KCNQ5: variants seen among roughly 807,000 people sequenced by gnomAD.
The protein encoded by KCNQ5 is potassium voltage-gated channel subfamily Q member 5, also known as potassium voltage-gated channel subfamily KQT member 5.
KCNQ5 carries 30 observed loss-of-function variants against 98.2 expected under a neutral mutation model. The ratio of observed to expected loss-of-function variants is 0.31; its 90% CI spans 0.23 to 0.41. The LOEUF (loss-of-function observed/expected upper bound fraction) is 0.41. Among genes scored for constraint, KCNQ5 ranks in the 10% least tolerant of loss-of-function variants. The probability of loss-of-function intolerance (pLI) is 1.00; values close to 1 mark genes in which losing one functional copy is unlikely to be tolerated. For missense variants in KCNQ5, 835 were observed against 1,182.5 expected, an observed-to-expected ratio of 0.71 and a Z score of 4.31; for synonymous variants, 458 against 449.4, an observed-to-expected ratio of 1.02 and a Z score of -0.24.
chr6:73,041,270 C>T (rs966500404), intron 2 of KCNQ5, among the ~76,000 whole-genome samples: 5 of 152,132 alleles, frequency 3.3e-5, no homozygotes, highest in African/African-American at 1.2e-4. Context: ...CAGTCATTTT[C>T]CTGGAGCAGG....
chr6:72,693,924 G>C (rs773876116), intron 1 of KCNQ5, among the ~76,000 whole-genome samples: 1 of 152,146 alleles, frequency 6.6e-6, no homozygotes, highest in Non-Finnish European at 1.5e-5. Context: ...GTTTCTGAAG[G>C]TGTCAGAATC....
chr6:72,630,888 T>C (rs566990448), intron 1 of KCNQ5, among the ~76,000 whole-genome samples: 2 of 152,242 alleles, frequency 1.3e-5, no homozygotes, highest in African/African-American at 4.8e-5. Flanking sequence ...CCATTTTAGA[T>C]TGGTGATTCT....
chr6:73,162,294 T>C (rs1357622719), intron 10 of KCNQ5, among the ~76,000 whole-genome samples: 1 of 152,122 alleles, frequency 6.6e-6, no homozygotes, highest in Non-Finnish European at 1.5e-5. Context: ...TGCTAATCAA[T>C]AGGAAACAGG....
At chr6:72,736,502 CT>C (rs752921476) in intron 1 of KCNQ5, among the ~76,000 whole-genome samples, 114 of 120,966 alleles carry the variant, frequency 9.4e-4, no homozygotes, top group Non-Finnish European at 9.6e-4. Context: ...AAAAAGATTT[CT>C]TTTTTTTTTT....
intron 1 of KCNQ5, among the ~76,000 whole-genome samples, chr6:72,805,289 A>G (rs1277682381): frequency 1.3e-5 from 2 of 152,112 alleles, no homozygotes; most frequent in African/African-American, 4.8e-5. Context: ...TAGTAGTTTC[A>G]TAGTTTGGGG....
intron 1 of KCNQ5, among the ~76,000 whole-genome samples, chr6:72,894,675 T>C (rs1779176994): frequency 6.6e-6 from 1 of 152,192 alleles, no homozygotes; most frequent in African/African-American, 2.4e-5. Context: ...AACTGAAAAC[T>C]AGCATAAAAA....
chr6:72,929,628 AAGTACATAAAGTACAATGG>A (rs1295067730), intron 1 of KCNQ5, among the ~76,000 whole-genome samples: 2 of 152,176 alleles, frequency 1.3e-5, no homozygotes, highest in Admixed American at 1.3e-4. Flanking sequence ...AATGTACATA[AAGTACATAAAGTACAATGG>A]AGTACATAAA....
chr6:72,837,342 A>C (rs1776546991), intron 1 of KCNQ5, among the ~76,000 whole-genome samples: 1 of 152,178 alleles, frequency 6.6e-6, no homozygotes, highest in Non-Finnish European at 1.5e-5. Context: ...TTCCTACTTA[A>C]AATATGAAGA....
intron 10 of KCNQ5, among the ~76,000 whole-genome samples, chr6:73,164,183 TTA>T (rs1777711127): frequency 6.6e-6 from 1 of 152,218 alleles, no homozygotes; most frequent in Non-Finnish European, 1.5e-5. Context: ...GTGATTTCAC[TTA>T]AAGTCACAAT....
At chr6:72,750,492 C>A (rs6906492) in intron 1 of KCNQ5, among the ~76,000 whole-genome samples, 42,215 of 151,876 alleles carry the variant, frequency 0.28, 9,001 homozygotes, top group African/African-American at 0.6. Context: ...ATAAAACTAG[C>A]TGTTGCTAGA....
At chr6:72,731,830 A>G (rs1165814086) in intron 1 of KCNQ5, among the ~76,000 whole-genome samples, 9 of 152,206 alleles carry the variant, frequency 5.9e-5, no homozygotes, top group Non-Finnish European at 8.8e-5. Context: ...GCCACGAGGA[A>G]CAAACCTTCA....
At chr6:72,736,497 G>T (rs61136712) in intron 1 of KCNQ5, among the ~76,000 whole-genome samples, 190 of 119,028 alleles carry the variant, frequency 1.6e-3, no homozygotes, top group Non-Finnish European at 1.6e-3. Context: ...TGTAAAAAAA[G>T]ATTTCTTTTT....
intron 11 of KCNQ5, among the ~76,000 whole-genome samples, chr6:73,184,809 G>A (rs998643325): frequency 6.6e-6 from 1 of 152,212 alleles, no homozygotes; most frequent in Non-Finnish European, 1.5e-5. Flanking sequence ...TGATGAATGA[G>A]CACTTTGGTG....
chr6:72,662,711 C>G (rs1022698648), intron 1 of KCNQ5, among the ~76,000 whole-genome samples: 16 of 151,976 alleles, frequency 1.1e-4, no homozygotes, highest in African/African-American at 3.9e-4. Flanking sequence ...AACTAAATCA[C>G]TGTTCATCTT....
intron 1 of KCNQ5, among the ~76,000 whole-genome samples, chr6:72,889,296 G>A (rs1778970357): frequency 6.6e-6 from 1 of 152,166 alleles, no homozygotes; most frequent in Admixed American, 6.5e-5. Context: ...GGCTGGAACA[G>A]AATGAGGCAG....
intron 1 of KCNQ5, among the ~76,000 whole-genome samples, chr6:72,753,449 A>T (rs1771786865): frequency 6.6e-6 from 1 of 151,986 alleles, no homozygotes; most frequent in Non-Finnish European, 1.5e-5. Flanking sequence ...ACTTGGATAA[A>T]TATATAGGAG....
chr6:72,809,090 T>C (rs1347472277), intron 1 of KCNQ5, among the ~76,000 whole-genome samples: 1 of 151,312 alleles, frequency 6.6e-6, no homozygotes, highest in African/African-American at 2.4e-5. Flanking sequence ...ATGTCCTTTG[T>C]AGGGACATGG....
chr6:72,782,267 C>A (rs1582279136), intron 1 of KCNQ5, among the ~76,000 whole-genome samples: 1 of 149,390 alleles, frequency 6.7e-6, no homozygotes, highest in East Asian at 1.9e-4. Context: ...TCTCTCTCTC[C>A]CACAAGAGCT....
intron 1 of KCNQ5, among the ~76,000 whole-genome samples, chr6:72,645,284 G>T (rs920778233): frequency 6.6e-6 from 1 of 151,294 alleles, no homozygotes; most frequent in African/African-American, 2.4e-5. Flanking sequence ...TACTTGGGAG[G>T]CTGTGGAGGG....
Sources: gnomAD v4.1 joint callset for allele counts (sites outside exome capture counted in the v4.1 genomes callset) on GRCh38, gnomAD v4.1.1 for gene constraint, MANE v1.5 for transcripts, NCBI Gene and HGNC (gene_info 2026-07-23, HGNC 2026-07-21) for gene names.